Variants in GRIK4 observed in about 807,000 individuals in gnomAD.
GRIK4 encodes glutamate receptor ionotropic, kainate 4.
GRIK4 carries 40 observed loss-of-function variants against 104.9 expected under a neutral mutation model. That is an observed-to-expected ratio of 0.38 (90% CI 0.30 to 0.50). The LOEUF is 0.50. Ranked by LOEUF, GRIK4 falls within the 20% of genes least tolerant of loss-of-function variation. The probability of loss-of-function intolerance (pLI) is 0.93; values close to 1 mark genes in which losing one functional copy is unlikely to be tolerated. For synonymous variants in GRIK4, 485 were observed against 524.9 expected, an observed-to-expected ratio of 0.92 and a Z score of 1.04; for missense variants, 1,047 against 1,308.1, an observed-to-expected ratio of 0.80 and a Z score of 3.08.
intron 1 of GRIK4, among the ~76,000 whole-genome samples, chr11:120,554,668 C>T (rs1948171213): frequency 6.6e-6 from 1 of 152,074 alleles, no homozygotes; most frequent in Non-Finnish European, 1.5e-5. Context: ...AAGCGATTCT[C>T]TTGCCTCAGC....
At chr11:120,938,264 C>T (rs1943641409) in intron 13 of GRIK4, among the ~76,000 whole-genome samples, 2 of 152,208 alleles carry the variant, frequency 1.3e-5, no homozygotes, top group South Asian at 4.1e-4. Flanking sequence ...AAGGCACTAA[C>T]AATCCTCTAA....
intron 3 of GRIK4, among the ~76,000 whole-genome samples, chr11:120,797,033 T>G (rs2186699): frequency 0.21 from 31,947 of 152,034 alleles, 7,103 homozygotes; most frequent in African/African-American, 0.57. Flanking sequence ...AGGGTGAAGT[T>G]CTTGGGGCTC....
At chr11:120,860,636 G>A (rs1228543403) in intron 8 of GRIK4, among the ~76,000 whole-genome samples, 1 of 152,142 alleles carries the variant, frequency 6.6e-6, no homozygotes, top group African/African-American at 2.4e-5. Flanking sequence ...TCCACTAACT[G>A]CAAGCTTCCT....
intron 19 of GRIK4, among the ~76,000 whole-genome samples, chr11:120,968,566 G>A (rs547303808): frequency 2.6e-5 from 4 of 152,172 alleles, no homozygotes; most frequent in South Asian, 2.1e-4. Flanking sequence ...TCTCTATCTT[G>A]CAAGAAGAGG....
At chr11:120,580,937 C>T (rs796296749) in intron 1 of GRIK4, among the ~76,000 whole-genome samples, 8 of 152,154 alleles carry the variant, frequency 5.3e-5, no homozygotes, top group African/African-American at 1.7e-4. Context: ...ATCCTTAAAA[C>T]AAATCTTAAA....
chr11:120,679,577 A>G (rs12574186), intron 3 of GRIK4, among the ~76,000 whole-genome samples: 71,257 of 152,052 alleles, frequency 0.47, 17,083 homozygotes, highest in East Asian at 0.55. Context: ...TGCAGGGAGC[A>G]GCTGGGCAGT....
At chr11:120,740,896 A>T (rs969182918) in intron 3 of GRIK4, among the ~76,000 whole-genome samples, 2 of 152,122 alleles carry the variant, frequency 1.3e-5, no homozygotes, top group East Asian at 3.9e-4. Context: ...AGGCATGTTT[A>T]TTTGGTTTTA....
chr11:120,987,143 T>C lies in GRIK4; in HGVS notation c.*883T>C, dbSNP rs1204799183. On this transcript the variant is annotated 3_prime_UTR_variant, in exon 21 of 21. Coordinates refer to ENST00000527524, the MANE Select transcript of GRIK4 (RefSeq NM_014619.5). ...TACTGGGTTTGATTTGATCTTTTTG[T>C]GAATGTAGTCTCTGAAGACAGACAG... 6.6e-6 allele frequency: 1 copy of C among 152,250 alleles called. No homozygotes were observed. The highest frequency in any genetic ancestry group is 2.4e-5 in the African/African-American group (1 of 41,460). 9.4% of individuals were successfully genotyped at this position (152,250 alleles called of 1,614,324 possible). A position where few individuals can be genotyped will look rare whatever the true frequency, so the allele number is the denominator to read the frequency against.
At chr11:120,718,576 G>A (rs187160817) in intron 3 of GRIK4, among the ~76,000 whole-genome samples, 361 of 152,324 alleles carry the variant, frequency 2.4e-3, no homozygotes, top group South Asian at 3.3e-3. Flanking sequence ...CCCCGGCATG[G>A]GACCAATCCT....
intron 1 of GRIK4, among the ~76,000 whole-genome samples, chr11:120,598,879 G>A (rs915904070): frequency 2.0e-5 from 3 of 152,204 alleles, no homozygotes; most frequent in African/African-American, 4.8e-5. Flanking sequence ...GTCTGTTAAT[G>A]TCCGGTTGGC....
intron 8 of GRIK4, among the ~76,000 whole-genome samples, chr11:120,838,721 GC>G (rs1953642388): frequency 2.6e-5 from 4 of 152,060 alleles, no homozygotes; most frequent in Admixed American, 2.6e-4. Context: ...CACTCTTTCT[GC>G]CCAGTTGCAG....
chr11:120,578,825 G>T (rs1031359153), intron 1 of GRIK4, among the ~76,000 whole-genome samples: 5 of 152,182 alleles, frequency 3.3e-5, no homozygotes, highest in Admixed American at 3.3e-4. Flanking sequence ...TCCTCACTTG[G>T]CTCATCTCCA....
intron 6 of GRIK4, among the ~76,000 whole-genome samples, chr11:120,827,240 G>T (rs1260097262): frequency 6.6e-6 from 1 of 152,316 alleles, no homozygotes; most frequent in Middle Eastern, 3.4e-3. Flanking sequence ...TCCTGCGGCT[G>T]TGTCCACCCC....
intron 3 of GRIK4, 59 bp downstream of exon 3, chr11:120,660,459 G>A: frequency 7.7e-7 from 1 of 1,301,788 alleles, no homozygotes; most frequent in Non-Finnish European, 1.1e-6. Flanking sequence ...GTCCACAAGG[G>A]ACATGAGAGT....
chr11:120,728,221 T>A (rs1951066629), intron 3 of GRIK4, among the ~76,000 whole-genome samples: 1 of 152,158 alleles, frequency 6.6e-6, no homozygotes, highest in African/African-American at 2.4e-5. Flanking sequence ...TCATTCTGAC[T>A]TTTCTACAGT....
intron 3 of GRIK4, among the ~76,000 whole-genome samples, chr11:120,731,978 T>A (rs1039940172): frequency 6.6e-6 from 1 of 152,196 alleles, no homozygotes; most frequent in African/African-American, 2.4e-5. Flanking sequence ...TTGTCATTTT[T>A]AAAAATGTTT....
chr11:120,777,190 T>G (rs1952060692), intron 3 of GRIK4, among the ~76,000 whole-genome samples: 1 of 152,208 alleles, frequency 6.6e-6, no homozygotes, highest in East Asian at 1.9e-4. Context: ...TTTCAATGGC[T>G]TACAAGGTGC....
chr11:120,734,406 C>G (rs1951188855), intron 3 of GRIK4, among the ~76,000 whole-genome samples: 1 of 152,116 alleles, frequency 6.6e-6, no homozygotes, highest in African/African-American at 2.4e-5. Context: ...AGTCTGCTGC[C>G]AGACATATTG....
intron 3 of GRIK4, among the ~76,000 whole-genome samples, chr11:120,771,565 T>A (rs992271500): frequency 6.6e-6 from 1 of 152,082 alleles, no homozygotes; most frequent in Non-Finnish European, 1.5e-5. Context: ...ATTTAGAAAA[T>A]CCCCAGTCTA....
Sources: gnomAD v4.1 joint callset for allele counts (sites outside exome capture counted in the v4.1 genomes callset) on GRCh38, gnomAD v4.1.1 for gene constraint, MANE v1.5 for transcripts, NCBI Gene and HGNC (gene_info 2026-07-23, HGNC 2026-07-21) for gene names.